CORIN: variants seen among roughly 807,000 people sequenced by gnomAD.
CORIN encodes the protein corin, serine peptidase.
A neutral mutation model predicts 125.3 loss-of-function variants in CORIN; 117 were observed. That is an observed-to-expected ratio of 0.93 (90% CI 0.80 to 1.09). The LOEUF (loss-of-function observed/expected upper bound fraction) is 1.09, where lower values mean the gene tolerates loss of function less well. Among genes scored for constraint, CORIN ranks in the 50% least tolerant of loss-of-function variants. The pLI is 0.00. For synonymous variants in CORIN, 450 were observed against 466.4 expected (o/e 0.96, Z 0.45); for missense variants, 1,253 against 1,306.7 (o/e 0.96, Z 0.63).
At chr4:47,661,060 C>G (rs2109663120) in intron 12 of CORIN, among the ~76,000 whole-genome samples, 1 of 152,264 alleles carries the variant, frequency 6.6e-6, no homozygotes, top group Admixed American at 6.5e-5. Flanking sequence ...ATTATGTTAC[C>G]TGAAATAAGC....
chr4:47,821,908 C>A (rs1443382150), intron 1 of CORIN, among the ~76,000 whole-genome samples: 1 of 152,092 alleles, frequency 6.6e-6, no homozygotes, highest in African/African-American at 2.4e-5. Flanking sequence ...CATGTATCAA[C>A]TTTTATCCTT....
At chr4:47,789,163 G>T (rs1377700094) in intron 2 of CORIN, among the ~76,000 whole-genome samples, 1 of 151,996 alleles carries the variant, frequency 6.6e-6, no homozygotes, top group Admixed American at 6.5e-5. Flanking sequence ...AATTAGCTGG[G>T]CATGGTGGCG....
intron 1 of CORIN, among the ~76,000 whole-genome samples, chr4:47,832,538 G>A (rs375993632): frequency 4.1e-5 from 6 of 147,858 alleles, no homozygotes; most frequent in East Asian, 2.0e-4. Flanking sequence ...TCTGCCTCCC[G>A]GATTTAAGCA....
At chr4:47,599,194 A>G (rs776672794) in intron 21 of CORIN, among the ~76,000 whole-genome samples, 15 of 152,232 alleles carry the variant, frequency 9.9e-5, no homozygotes, top group Non-Finnish European at 1.8e-4. Flanking sequence ...CTTTACCACC[A>G]TCCACGTCAG....
intron 16 of CORIN, among the ~76,000 whole-genome samples, chr4:47,634,404 C>T (rs112609886): frequency 1.8e-4 from 27 of 152,328 alleles, no homozygotes; most frequent in African/African-American, 6.3e-4. Context: ...GAGGCCAAAG[C>T]AGGTGGATCA....
intron 7 of CORIN, chr4:47,682,406 C>T (rs1052876064): frequency 2.2e-5 from 3 of 136,542 alleles, no homozygotes; most frequent in African/African-American, 8.3e-5. Context: ...AGCGCCACTG[C>T]ACTCCAGCCT....
intron 1 of CORIN, among the ~76,000 whole-genome samples, chr4:47,822,534 CTTAT>C (rs1732563525): frequency 6.6e-6 from 1 of 152,154 alleles, no homozygotes; most frequent in Non-Finnish European, 1.5e-5. Context: ...TCAGTCTTCT[CTTAT>C]CTTTTATGAC....
chr4:47,627,251 A>T (rs1722617551), intron 16 of CORIN, among the ~76,000 whole-genome samples: 1 of 152,154 alleles, frequency 6.6e-6, no homozygotes, highest in African/African-American at 2.4e-5. Flanking sequence ...CCAAACTGCT[A>T]GGATTACAGG....
chr4:47,602,729 G>A (rs538230225), intron 20 of CORIN, among the ~76,000 whole-genome samples: 24 of 152,288 alleles, frequency 1.6e-4, no homozygotes, highest in Admixed American at 1.4e-3. Flanking sequence ...TTGCATCTGA[G>A]CTTGGCCATT....
At chr4:47,654,258 G>A (rs751911828) in intron 12 of CORIN, among the ~76,000 whole-genome samples, 1 of 152,086 alleles carries the variant, frequency 6.6e-6, no homozygotes, top group Non-Finnish European at 1.5e-5. Flanking sequence ...TTTTTGGGGG[G>A]AAGATGGAGC....
Position 47,732,093 on chromosome 4 carries a change from G to A in CORIN, c.799+12309C>T, listed in dbSNP as rs148676676. 5.9e-3 allele frequency among the ~76,000 whole-genome samples: 900 copies of A among 152,202 alleles called. 12 individuals are homozygous for A. Among genetic ancestry groups the A allele is most frequent in the African/African-American group, 0.02 (821 of 41,520 alleles). On this transcript the variant is annotated intron_variant, in intron 5 of 21. Coordinates refer to ENST00000273857, the MANE Select transcript of CORIN (RefSeq NM_006587.4). ...ATTTAAGAATCATCAGTGCATATGT[G>A]GCTATAAGCAAATATGAGATTTCCC...
At chr4:47,680,064 C>G (rs1725197701) in intron 8 of CORIN, 77 bp downstream of exon 8, 1 of 868,956 alleles carries the variant, frequency 1.2e-6, no homozygotes, top group East Asian at 2.6e-5. Context: ...GTCTTAAGTA[C>G]AGTCCTCAAC....
At chr4:47,787,649 G>A (rs2109918758) in intron 2 of CORIN, among the ~76,000 whole-genome samples, 1 of 152,228 alleles carries the variant, frequency 6.6e-6, no homozygotes, top group Admixed American at 6.5e-5. Flanking sequence ...GGTTATTGGG[G>A]AACAGGTGGT....
intron 19 of CORIN, among the ~76,000 whole-genome samples, chr4:47,620,013 G>A (rs899251355): frequency 2.6e-5 from 4 of 152,136 alleles, no homozygotes; most frequent in African/African-American, 9.7e-5. Context: ...GAAGGTGCTA[G>A]TTAGATTTTT....
intron 7 of CORIN, chr4:47,683,472 T>G (rs1207371404): frequency 3.1e-6 from 1 of 320,938 alleles, no homozygotes; most frequent in African/African-American, 2.2e-5. Context: ...AAAAAACTAT[T>G]AATGCATTAA....
intron 19 of CORIN, among the ~76,000 whole-genome samples, chr4:47,611,684 G>T (rs1721876216): frequency 6.6e-6 from 1 of 152,190 alleles, no homozygotes; most frequent in Non-Finnish European, 1.5e-5. Context: ...TTTCCAAGGG[G>T]AATGCTTCCA....
At chr4:47,629,798 A>AT (rs1361377053) in intron 16 of CORIN, among the ~76,000 whole-genome samples, 1 of 152,194 alleles carries the variant, frequency 6.6e-6, no homozygotes, top group South Asian at 2.1e-4. Flanking sequence ...GACAAGCACT[A>AT]AAAGACTAAC....
At chr4:47,742,647 A>G (rs1182319009) in intron 5 of CORIN, among the ~76,000 whole-genome samples, 2 of 152,078 alleles carry the variant, frequency 1.3e-5, no homozygotes, top group Non-Finnish European at 2.9e-5. Context: ...TATGGTTGGA[A>G]GACTGACTGT....
chr4:47,714,604 T>C (rs1440019634), intron 5 of CORIN, among the ~76,000 whole-genome samples: 1 of 151,872 alleles, frequency 6.6e-6, no homozygotes, highest in African/African-American at 2.4e-5. Flanking sequence ...GATAGTAAAT[T>C]GTTAGACTTT....
Sources: allele counts gnomAD v4.1 joint callset (sites outside exome capture counted in the v4.1 genomes callset), GRCh38; gene constraint gnomAD v4.1.1; transcripts MANE v1.5; gene names NCBI Gene and HGNC (gene_info 2026-07-23, HGNC 2026-07-21).